POLL: variants seen among roughly 807,000 people sequenced by gnomAD.
The protein encoded by POLL is DNA polymerase lambda.
A neutral mutation model predicts 58.1 loss-of-function variants in POLL; 44 were observed. The observed-to-expected ratio is 0.76, with a 90% CI of 0.60 to 0.97. The LOEUF (loss-of-function observed/expected upper bound fraction) is 0.97. Ranked by LOEUF, POLL falls within the 50% of genes least tolerant of loss-of-function variation. POLL has a pLI of 0.00. For missense variants in POLL, 632 were observed against 736.8 expected, an observed-to-expected ratio of 0.86 and a Z score of 1.65; for synonymous variants, 290 against 283.2, an observed-to-expected ratio of 1.02 and a Z score of -0.24.
chr10:101,587,643 A>T, intron 1 of POLL, 179 bp downstream of exon 1: 1 of 962,480 alleles, frequency 1.0e-6, no homozygotes, highest in Non-Finnish European at 1.4e-6. Flanking sequence ...GGTACTTTTG[A>T]GGAGTAGGAA....
chr10:101,579,673 A>C lies in POLL; in HGVS notation c.1508T>G (p.Leu503Arg), dbSNP rs757702601. Residue 503 changes from leucine to arginine, a missense_variant, in exon 9 of 9, where the codon CTG (leucine) becomes CGG (arginine). Leu to Arg is a moderately radical substitution (Grantham distance 102). Transcript: ENST00000370162. The surrounding 1 kb of genome is among the most constrained non-coding windows in gnomAD (Gnocchi z 4.4). ...VVPYSEFACA[L>R]LYFTGSAHFN... ...GTGTGCAGAGCCGGTGAAGTAGAGC[A>C]GGGCACAGGCAAACTCGCTATAGGG... 1 of 1,613,882 alleles carries C rather than the reference A, an allele frequency of 6.2e-7. No individual in the cohort carries two copies. Among genetic ancestry groups the C allele is most frequent in the Non-Finnish European group, 8.5e-7 (1 of 1,180,024 alleles).
chr10:101,588,249 G>A lies in POLL; in HGVS notation c.-474C>T. ...GACGAAGGGGGGAAGGAGGGCAAAT[G>A]GCCAGAATAGCTTCCGAGTCAGCCG... On this transcript the variant is annotated 5_prime_UTR_variant, in exon 1 of 9. Coordinates refer to ENST00000370162, the MANE Select transcript of POLL (RefSeq NM_001174084.2). 6.4e-7 allele frequency: 1 copy of A among 1,556,150 alleles called. No individual in the cohort carries two copies. Among genetic ancestry groups the A allele is most frequent in the South Asian group, 1.2e-5 (1 of 84,364 alleles).
At chr10:101,581,091 G>A (rs2062959646) in intron 7 of POLL, 1 of 152,264 alleles carries the variant, frequency 6.6e-6, no homozygotes, top group Non-Finnish European at 1.5e-5. Flanking sequence ...AAACCCATTA[G>A]CCTCCACCCC....
chr10:101,585,603 GT>G, intron 3 of POLL, 125 bp from the exon 4 acceptor site: 1 of 895,078 alleles, frequency 1.1e-6, no homozygotes, highest in South Asian at 2.3e-5. Flanking sequence ...GTTTTTTGAG[GT>G]TTTTGGAGTT....
At chr10:101,586,814 C>CT (rs1207747182) in intron 2 of POLL, among the ~76,000 whole-genome samples, 1 of 152,120 alleles carries the variant, frequency 6.6e-6, no homozygotes, top group Non-Finnish European at 1.5e-5. Flanking sequence ...ACTTTGAATC[C>CT]TTTATCATTT....
chr10:101,587,062 C>G, intron 2 of POLL, 184 bp downstream of exon 2: 1 of 1,293,182 alleles, frequency 7.7e-7, no homozygotes, highest in Middle Eastern at 1.9e-4. Flanking sequence ...GAAGGTAACA[C>G]AGCAAATAGC....
intron 6 of POLL, 137 bp from the exon 7 acceptor site, chr10:101,583,028 G>T: frequency 1.1e-6 from 1 of 938,446 alleles, no homozygotes; most frequent in Non-Finnish European, 1.7e-6. Context: ...GGGCAGTTGG[G>T]TCTGTACTCA....
chr10:101,579,495 G>A lies in POLL; in HGVS notation c.1686C>T (p.Leu562=). Residue 562 remains leucine (L), a synonymous_variant, in exon 9 of 9, where the codon CTC becomes CTT. Transcript: ENST00000370162. The surrounding 1 kb of genome is among the most constrained non-coding windows in gnomAD (Gnocchi z 4.4). ...PTPTEKDVFR[L]LGLPYREPAE... is the part of the protein sequence containing the mutation. ...CAGGTTCTCGGTAGGGGAGGCCTAAGAGCCTGAAGACATCCTTCTCAGTGG... is the reference window on the plus strand; with the variant it reads ...CAGGTTCTCGGTAGGGGAGGCCTAAAAGCCTGAAGACATCCTTCTCAGTGG... 6.2e-7 allele frequency: 1 copy of A among 1,613,256 alleles called. No individual in the cohort carries two copies. Among genetic ancestry groups the A allele is most frequent in the South Asian group, 1.1e-5 (1 of 91,042 alleles).
intron 7 of POLL, among the ~76,000 whole-genome samples, chr10:101,582,509 CAA>C (rs1449908978): frequency 2.0e-5 from 3 of 152,284 alleles, no homozygotes; most frequent in African/African-American, 7.2e-5. Context: ...GAATTGAATC[CAA>C]TCCTAATAGG....
chr10:101,583,378 G>A, intron 6 of POLL, 130 bp downstream of exon 6: 1 of 953,430 alleles, frequency 1.0e-6, no homozygotes, highest in Non-Finnish European at 1.6e-6. Context: ...TTGAAAAATG[G>A]TCTCCCTATA....
chr10:101,587,413 G>T lies in POLL; in HGVS notation c.-46-7C>A. 1 of 1,606,030 alleles carries T rather than the reference G, an allele frequency of 6.2e-7. No homozygotes were observed. Among genetic ancestry groups the T allele is most frequent in the Non-Finnish European group, 8.5e-7 (1 of 1,176,264 alleles). On this transcript the variant is annotated splice_region_variant and splice_polypyrimidine_tract_variant and intron_variant, in intron 1 of 8. Coordinates refer to ENST00000370162, the MANE Select transcript of POLL (RefSeq NM_001174084.2). Reference sequence around the variant, plus strand: ...GGAGCGTTGGTCAGGGCTGCTGCACGTGGAAATCCAGAATTGAGGCCCTCC... The same window carrying T: ...GGAGCGTTGGTCAGGGCTGCTGCACTTGGAAATCCAGAATTGAGGCCCTCC...
At chr10:101,583,463 C>CT (rs1434064329) in intron 6 of POLL, 45 bp downstream of exon 6, 1 of 1,605,560 alleles carries the variant, frequency 6.2e-7, no homozygotes, top group Non-Finnish European at 8.5e-7. Context: ...GGCAGGAACT[C>CT]TGAGACACAG....
Position 101,584,853 on chromosome 10 carries a change from G to A in POLL, c.640C>T (p.Leu214Phe), listed in dbSNP as rs1489594256. 2 of 1,492,056 alleles carry A rather than the reference G, an allele frequency of 1.3e-6. No individual in the cohort carries two copies. The highest frequency in any genetic ancestry group is 1.4e-5 in the South Asian group (1 of 70,776). The allele number at this position is 1,492,056 out of a possible 1,614,324, so 92.4% of individuals were successfully genotyped here. ...TQVSAADLEA[L>F]ISGHYPTSLE... is the part of the protein sequence containing the mutation. The stretch of plus-strand genomic sequence containing the variant: ...GAGGTGGGGTAGTGGCCACTGATGA[G>A]GGCTTCCAGATCAGCTGCACTAACC... The change falls in exon 5 of 9, where the codon CTC (leucine) becomes TTC (phenylalanine). Residue 214 changes from leucine (L) to phenylalanine (F), a missense_variant. Leu to Phe is a conservative substitution (Grantham distance 22). Transcript: ENST00000370162.
intron 7 of POLL, chr10:101,581,162 A>G (rs1487059575): frequency 2.0e-5 from 3 of 152,154 alleles, no homozygotes; most frequent in African/African-American, 7.2e-5. Context: ...GGACACTGAA[A>G]ATTCTGGGGC....
At chr10:101,587,129 C>T (rs748161442) in intron 2 of POLL, 117 bp downstream of exon 2, 11 of 1,606,902 alleles carry the variant, frequency 6.8e-6, no homozygotes, top group Non-Finnish European at 9.4e-6. Flanking sequence ...GACCTGCAGG[C>T]CCTGGACAGG....
Position 101,587,829 on chromosome 10 carries a change from A to G in POLL, c.-54T>C, listed in dbSNP as rs2063473001. The stretch of plus-strand genomic sequence containing the variant: ...CACATACTATTTCTCTACCTCCAAC[A>G]CAGACTCGCAGAGGAAGGAGGAGGA... On this transcript the variant is annotated 5_prime_UTR_variant, in exon 1 of 9. Coordinates refer to ENST00000370162, the MANE Select transcript of POLL (RefSeq NM_001174084.2). 14 of 1,190,302 alleles carry G rather than the reference A, an allele frequency of 1.2e-5. No homozygotes were observed. Among genetic ancestry groups the G allele is most frequent in the Admixed American group, 1.1e-4 (3 of 26,522 alleles). 73.7% of individuals were successfully genotyped at this position (1,190,302 alleles called of 1,614,324 possible). A position where few individuals can be genotyped will look rare whatever the true frequency, so the allele number is the denominator to read the frequency against.
chr10:101,587,392 C>A lies in POLL; in HGVS notation c.-32G>T, dbSNP rs909668998. 2.5e-6 allele frequency: 4 copies of A among 1,610,432 alleles called. No homozygotes were observed. Among genetic ancestry groups the A allele is most frequent in the Non-Finnish European group, 3.4e-6 (4 of 1,178,040 alleles). ...ATGGCTGGATCCCGGCCTATTGGAG[C>A]GTTGGTCAGGGCTGCTGCACGTGGA... On this transcript the variant is annotated 5_prime_UTR_variant, in exon 2 of 9. Coordinates refer to ENST00000370162, the MANE Select transcript of POLL (RefSeq NM_001174084.2).
Position 101,580,403 on chromosome 10 carries a change from G to A in POLL, c.1208C>T (p.Ala403Val), listed in dbSNP as rs772764701. The change falls in exon 8 of 9, where the codon GCC (alanine) becomes GTC (valine). Residue 403 changes from alanine (A) to valine (V), a missense_variant. By Grantham distance (64) the Ala-to-Val change is moderately conservative. Coordinates refer to ENST00000370162, the MANE Select transcript of POLL (RefSeq NM_001174084.2). This position sits in a 1 kb window ranked among gnomAD's most constrained non-coding sequence, Gnocchi z 4.1. ...TEIEQTVQKA[A>V]QAFNSGLLCV... is the part of the protein sequence containing the mutation. ...CAGCAGCCCAGAGTTAAAGGCCTGG[G>A]CTGCTTTCTGGACCTGGGAAAGAGA... is the stretch of plus-strand genomic sequence containing the variant. 1.2e-6 allele frequency: 2 copies of A among 1,613,676 alleles called. No homozygotes were observed.
chr10:101,581,660 T>G (rs2062994541), intron 7 of POLL: 1 of 152,206 alleles, frequency 6.6e-6, no homozygotes, highest in African/African-American at 2.4e-5. Context: ...GTCCAGTGTC[T>G]CTCTAATCTA....
Sources: allele counts gnomAD v4.1 joint callset (sites outside exome capture counted in the v4.1 genomes callset), GRCh38; gene constraint gnomAD v4.1.1; non-coding constraint Gnocchi (gnomAD v3.1); transcripts MANE v1.5; gene names NCBI Gene and HGNC (gene_info 2026-07-23, HGNC 2026-07-21).